Variants in PPP6R3 observed in about 807,000 individuals in gnomAD.
PPP6R3 encodes serine/threonine-protein phosphatase 6 regulatory subunit 3.
In PPP6R3, 38 loss-of-function variants were observed where a neutral mutation model predicts 110.7. The ratio of observed to expected loss-of-function variants is 0.34; its 90% CI spans 0.26 to 0.45. PPP6R3 has a LOEUF of 0.45. PPP6R3 is among the 20% of genes least tolerant of loss of function. The pLI is 1.00. For missense variants in PPP6R3, 870 were observed against 1,062.4 expected (o/e 0.82, Z 2.52); for synonymous variants, 369 against 373.5 (o/e 0.99, Z 0.14).
intron 9 of PPP6R3, 48 bp from the exon 10 acceptor site, chr11:68,566,966 G>T: frequency 3.3e-6 from 5 of 1,499,886 alleles, no homozygotes; most frequent in Non-Finnish European, 4.5e-6. Flanking sequence ...TACACCATTT[G>T]CTTTGTTCAT....
intron 22 of PPP6R3, chr11:68,609,367 CTG>C (rs1400813158): frequency 3.4e-5 from 23 of 674,424 alleles, no homozygotes; most frequent in Non-Finnish European, 5.1e-5. Flanking sequence ...CCTCATGTGA[CTG>C]AGGCTTCCAG....
intron 20 of PPP6R3, among the ~76,000 whole-genome samples, chr11:68,601,405 G>A (rs1035056457): frequency 2.6e-5 from 4 of 152,152 alleles, no homozygotes; most frequent in Admixed American, 1.3e-4. Context: ...TTTTTACTAT[G>A]TTTCCACAGT....
intron 1 of PPP6R3, among the ~76,000 whole-genome samples, chr11:68,508,618 C>G (rs1304177730): frequency 1.3e-5 from 2 of 152,176 alleles, no homozygotes; most frequent in Non-Finnish European, 2.9e-5. Flanking sequence ...TAAGCAAGTT[C>G]ACTTAGATGC....
At position 68,542,366 on chromosome 11, in the gene PPP6R3, CTT is replaced by C. The variant is rs1238043435; in HGVS notation, c.228-2470_228-2469del. 1.1e-4 allele frequency among the ~76,000 whole-genome samples: 12 copies of C among 104,948 alleles called. No individual in the cohort carries two copies. In the Admixed American group the frequency reaches 1.2e-3, roughly 10 times the overall value. The allele number at this position is 104,948 out of a possible 152,430, so 68.8% of individuals were successfully genotyped here. On this transcript the variant is annotated intron_variant, in intron 3 of 23. Coordinates refer to ENST00000393800, the MANE Select transcript of PPP6R3 (RefSeq NM_001164161.2). ...CTTGCCGAGGGTGGAGTGGAGGCAT[CTT>C]TGGGTGCTTGAGAAGCTGCTGTTTT...
At chr11:68,557,704 G>A (rs2099404918) in intron 7 of PPP6R3, among the ~76,000 whole-genome samples, 1 of 152,092 alleles carries the variant, frequency 6.6e-6, no homozygotes, top group Admixed American at 6.5e-5. Context: ...TTTTTTAGTA[G>A]AAATGGGGTT....
At chr11:68,554,090 TATAA>T (rs1333864476) in intron 6 of PPP6R3, 51 bp from the exon 7 acceptor site, 1 of 1,314,832 alleles carries the variant, frequency 7.6e-7, no homozygotes, top group African/African-American at 1.5e-5. Flanking sequence ...ATTTTTAAAT[TATAA>T]ATTTAACTTC....
chr11:68,478,339 A>G (rs764115966), intron 1 of PPP6R3, among the ~76,000 whole-genome samples: 2 of 152,180 alleles, frequency 1.3e-5, no homozygotes, highest in African/African-American at 4.8e-5. Flanking sequence ...CCGTTGCCCA[A>G]GCAAGTTAAG....
At chr11:68,491,275 T>A (rs145454975) in intron 1 of PPP6R3, among the ~76,000 whole-genome samples, 1,555 of 151,682 alleles carry the variant, frequency 0.01, 10 homozygotes, top group African/African-American at 0.012. Flanking sequence ...TTATTAAAAA[T>A]TTTTTTTTCA....
chr11:68,594,302 G>T (rs989227512), intron 18 of PPP6R3, among the ~76,000 whole-genome samples: 3 of 146,260 alleles, frequency 2.1e-5, no homozygotes, highest in Non-Finnish European at 3.0e-5. Context: ...GGAGAGAGGA[G>T]AGAGAGAGAG....
chr11:68,611,901 C>T (rs1237548450), intron 23 of PPP6R3, among the ~76,000 whole-genome samples: 2 of 152,202 alleles, frequency 1.3e-5, no homozygotes, highest in African/African-American at 2.4e-5. Flanking sequence ...GATTGGCAGG[C>T]GCGCTGTTTC....
chr11:68,568,115 G>C (rs2099486271), intron 10 of PPP6R3, among the ~76,000 whole-genome samples: 1 of 151,990 alleles, frequency 6.6e-6, no homozygotes, highest in Admixed American at 6.6e-5. Context: ...TTAGGTTTCA[G>C]CTTTGGGTTA....
rs1555173816 is a variant in PPP6R3, at chr11:68,573,114, T to TA, written c.1344-995_1344-994insA. Among the ~76,000 whole-genome samples, 20 of 61,796 alleles carry TA rather than the reference T, an allele frequency of 3.2e-4. No homozygotes were observed. The East Asian group carries it at 7.1e-3, about 22-fold the overall frequency. The allele number at this position is 61,796 out of a possible 152,430, so 40.5% of individuals were successfully genotyped here. On this transcript the variant is annotated intron_variant, in intron 12 of 23. Coordinates refer to ENST00000393800, the MANE Select transcript of PPP6R3 (RefSeq NM_001164161.2). ...TCAGATTAATATGAGTTTACTTATTTTATATATATATATATATATATATAT... is the reference window on the plus strand; with the variant it reads ...TCAGATTAATATGAGTTTACTTATTTATATATATATATATATATATATATAT...
At chr11:68,486,675 G>T (rs899376302) in intron 1 of PPP6R3, among the ~76,000 whole-genome samples, 3 of 151,318 alleles carry the variant, frequency 2.0e-5, no homozygotes, top group Admixed American at 6.6e-5. Flanking sequence ...TAGAGAATTG[G>T]TATTATTTTT....
At chr11:68,540,181 G>A (rs1003188813) in intron 3 of PPP6R3, among the ~76,000 whole-genome samples, 1 of 152,232 alleles carries the variant, frequency 6.6e-6, no homozygotes, top group African/African-American at 2.4e-5. Flanking sequence ...TTGAGCAAAT[G>A]TGTGCATGTT....
chr11:68,557,522 CTTTT>C (rs1194181331), intron 7 of PPP6R3, among the ~76,000 whole-genome samples: 1 of 151,666 alleles, frequency 6.6e-6, no homozygotes. Context: ...TCTTTTTTTT[CTTTT>C]TTCTTTTTTT....
chr11:68,595,592 A>G (rs752332923), intron 18 of PPP6R3, among the ~76,000 whole-genome samples: 2 of 152,226 alleles, frequency 1.3e-5, no homozygotes, highest in Non-Finnish European at 2.9e-5. Context: ...TTTTAATAGA[A>G]TGAAACGACA....
chr11:68,594,331 A>T (rs2099606131), intron 18 of PPP6R3, among the ~76,000 whole-genome samples: 1 of 133,032 alleles, frequency 7.5e-6, no homozygotes, highest in Non-Finnish European at 1.5e-5. Flanking sequence ...AAAGAGAGAG[A>T]GAGTGAGAGA....
intron 12 of PPP6R3, among the ~76,000 whole-genome samples, chr11:68,572,619 A>G (rs1474616083): frequency 1.3e-5 from 2 of 152,046 alleles, no homozygotes; most frequent in Non-Finnish European, 2.9e-5. Context: ...GGAGGCTGAG[A>G]TGGGAGGATT....
At chr11:68,526,625 C>G (rs1361046439) in intron 2 of PPP6R3, among the ~76,000 whole-genome samples, 2 of 152,316 alleles carry the variant, frequency 1.3e-5, no homozygotes, top group African/African-American at 4.8e-5. Context: ...CTGGAACCAG[C>G]TGGGTGTTCC....
Sources: gnomAD v4.1 joint callset for allele counts (sites outside exome capture counted in the v4.1 genomes callset) on GRCh38, gnomAD v4.1.1 for gene constraint, MANE v1.5 for transcripts, NCBI Gene and HGNC (gene_info 2026-07-23, HGNC 2026-07-21) for gene names.